The following JAK1 variants were observed in gnomAD, a reference collection of about 807,000 sequenced individuals.
JAK1 encodes Janus kinase 1, also known as tyrosine-protein kinase JAK1.
In JAK1, 16 loss-of-function variants were observed where a neutral mutation model predicts 136.6. The ratio of observed to expected loss-of-function variants is 0.12; its 90% CI spans 0.08 to 0.18. JAK1 has a LOEUF of 0.18. JAK1 is among the 10% of genes least tolerant of loss of function. The pLI is 1.00. For synonymous variants in JAK1, 492 were observed against 519.5 expected, an observed-to-expected ratio of 0.95 and a Z score of 0.72; for missense variants, 859 against 1,450.1, an observed-to-expected ratio of 0.59 and a Z score of 6.62.
upstream of JAK1, among the ~76,000 whole-genome samples, chr1:64,969,556 GATTA>G (rs1646431716): frequency 2.0e-5 from 3 of 152,270 alleles, no homozygotes; most frequent in South Asian, 4.1e-4. Context: ...AGGGCAAGGA[GATTA>G]ATTACATGTC....
intron 1 of JAK1, among the ~76,000 whole-genome samples, chr1:64,925,930 C>T (rs1645575821): frequency 6.6e-6 from 1 of 152,162 alleles, no homozygotes; most frequent in African/African-American, 2.4e-5. Context: ...CATAAAGCTT[C>T]CCACTATAGT....
chr1:65,006,464 C>T (rs185743237), intron 2 of JAK1, among the ~76,000 whole-genome samples: 1 of 152,240 alleles, frequency 6.6e-6, no homozygotes, highest in Admixed American at 6.5e-5. Context: ...TTCAAGGGAT[C>T]GTCCTGCCTC....
intron 2 of JAK1, among the ~76,000 whole-genome samples, chr1:65,039,415 T>C (rs926491574): frequency 1.3e-5 from 2 of 152,162 alleles, no homozygotes; most frequent in African/African-American, 2.4e-5. Context: ...TTAAATACAT[T>C]ATATGTGTTA....
chr1:64,901,547 A>C (rs1022352219), intron 1 of JAK1, among the ~76,000 whole-genome samples: 6 of 152,286 alleles, frequency 3.9e-5, no homozygotes, highest in African/African-American at 1.2e-4. Context: ...AAACTCAAAA[A>C]ACCAACCAGA....
intron 17 of JAK1, among the ~76,000 whole-genome samples, chr1:64,843,380 GGAGTTA>G (rs1655029759): frequency 6.6e-6 from 1 of 152,144 alleles, no homozygotes; most frequent in Non-Finnish European, 1.5e-5. Flanking sequence ...TTACCCCTTT[GGAGTTA>G]GAGTCTCCAC....
At position 65,004,414 on chromosome 1, in the gene JAK1, C is replaced by G. The variant is rs1646787435; in HGVS notation, c.-78+40066G>C. ...GGTGCTCTGCATAGAAACTGCTGGA[C>G]TCGTGAGTGACCATCAGGGTTGATC... is the stretch of plus-strand genomic sequence containing the variant. On this transcript the variant is annotated intron_variant, in intron 2 of 25. Transcript: ENST00000671954. Among the ~76,000 whole-genome samples the G allele has an allele frequency of 2.6e-5, 4 of 152,328 alleles. No individual in the cohort carries two copies. In the South Asian group the frequency reaches 8.3e-4, roughly 32 times the overall value.
At chr1:64,883,585 T>C in intron 2 of JAK1, 110 bp from the exon 3 acceptor site, 1 of 831,166 alleles carries the variant, frequency 1.2e-6, no homozygotes, top group Non-Finnish European at 1.9e-6. Context: ...GTGTTGGTAT[T>C]GGATACGTAC....
Position 64,921,799 on chromosome 1 carries a change from G to A in JAK1, c.-77-35458C>T, listed in dbSNP as rs528631012. On this transcript the variant is annotated intron_variant, in intron 1 of 24. Coordinates refer to ENST00000342505, the MANE Select transcript of JAK1 (RefSeq NM_002227.4). ...CCTTCTTAGTCCCTTTGTACAGTGA[G>A]TTTCTAGAGTGAGATGGCTTACCCA... Among the ~76,000 whole-genome samples the A allele has an allele frequency of 3.0e-4, 45 of 152,126 alleles. No homozygotes were observed. The South Asian group carries it at 9.3e-3, about 32-fold the overall frequency.
intron 1 of JAK1, among the ~76,000 whole-genome samples, chr1:65,047,428 G>T (rs908431844): frequency 6.6e-6 from 1 of 152,076 alleles, no homozygotes; most frequent in Non-Finnish European, 1.5e-5. Flanking sequence ...TAACTAAAAA[G>T]TCATACAAGG....
intron 1 of JAK1, among the ~76,000 whole-genome samples, chr1:64,892,888 A>C (rs1055597238): frequency 6.6e-6 from 1 of 152,198 alleles, no homozygotes; most frequent in South Asian, 2.1e-4. Context: ...AAGAAGTAAC[A>C]CAAATACATC....
At chr1:65,052,945 C>T (rs184298139) in intron 1 of JAK1, among the ~76,000 whole-genome samples, 9 of 144,870 alleles carry the variant, frequency 6.2e-5, no homozygotes, top group Non-Finnish European at 1.3e-4. Context: ...GCAGGAGAAT[C>T]GCTGGGACCC....
At chr1:64,839,495 C>T (rs1654752486) in intron 20 of JAK1, 108 bp downstream of exon 20, 2 of 878,602 alleles carry the variant, frequency 2.3e-6, no homozygotes. Flanking sequence ...CACCAGCTAG[C>T]ATGTCAGACG....
At chr1:64,859,210 T>C (rs1656138541) in intron 9 of JAK1, among the ~76,000 whole-genome samples, 1 of 152,224 alleles carries the variant, frequency 6.6e-6, no homozygotes, top group South Asian at 2.1e-4. Flanking sequence ...CCAGATATTC[T>C]GTGGTCTGAA....
chr1:64,949,161 G>C (rs1415113120), intron 1 of JAK1, among the ~76,000 whole-genome samples: 1 of 152,156 alleles, frequency 6.6e-6, no homozygotes, highest in African/African-American at 2.4e-5. Flanking sequence ...GCAGTGATGT[G>C]TTCAGATTTG....
chr1:64,979,017 A>G (rs1464274471), intron 2 of JAK1, among the ~76,000 whole-genome samples: 2 of 152,182 alleles, frequency 1.3e-5, no homozygotes, highest in African/African-American at 2.4e-5. Context: ...TGGCCACGAA[A>G]TCATGTATGC....
At chr1:64,903,669 G>T (rs529204101) in intron 1 of JAK1, among the ~76,000 whole-genome samples, 1 of 152,160 alleles carries the variant, frequency 6.6e-6, no homozygotes, top group Non-Finnish European at 1.5e-5. Context: ...CTACTAAAAT[G>T]GGAATAATAC....
In JAK1 at chr1:64,841,232, G is replaced by A. The variant is rs373762070; in HGVS notation, c.2649+13C>T. 13 of 1,590,884 alleles carry A rather than the reference G, an allele frequency of 8.2e-6. No homozygotes were observed. Among genetic ancestry groups the A allele is most frequent in the South Asian group, 1.1e-5 (1 of 90,634 alleles). Reference sequence around the variant, plus strand: ...CTCTGCCATCAGCAGCAAGCAGCACGGGTGTAACTTACCTCTCCCAAGTCA... The same window carrying A: ...CTCTGCCATCAGCAGCAAGCAGCACAGGTGTAACTTACCTCTCCCAAGTCA... On this transcript the variant is annotated intron_variant, in intron 19 of 24. Coordinates refer to ENST00000342505, the MANE Select transcript of JAK1 (RefSeq NM_002227.4).
intron 1 of JAK1, among the ~76,000 whole-genome samples, chr1:65,060,275 C>T (rs1244665638): frequency 2.6e-5 from 4 of 151,950 alleles, no homozygotes; most frequent in East Asian, 1.9e-4. Flanking sequence ...AGCTGTTCCA[C>T]GAAAAAGGAT....
chr1:64,883,797 G>A (rs1478054464), intron 2 of JAK1, among the ~76,000 whole-genome samples: 2 of 152,044 alleles, frequency 1.3e-5, no homozygotes, highest in African/African-American at 4.8e-5. Flanking sequence ...TTGCACCCAA[G>A]TTGTAATTGA....
Sources: gnomAD v4.1 joint callset for allele counts (sites outside exome capture counted in the v4.1 genomes callset) on GRCh38, gnomAD v4.1.1 for gene constraint, MANE v1.5 for transcripts, NCBI Gene and HGNC (gene_info 2026-07-23, HGNC 2026-07-21) for gene names.